The following PHLPP1 variants were observed in gnomAD, a reference collection of about 807,000 sequenced individuals.
PHLPP1 encodes PH domain and leucine rich repeat protein phosphatase 1, also known as PH domain leucine-rich repeat-containing protein phosphatase 1.
Under a neutral mutation model 117.2 loss-of-function variants are expected in PHLPP1, and 42 were observed. That is an observed-to-expected ratio of 0.36 (90% CI 0.28 to 0.46). The LOEUF is 0.46. Ranked by LOEUF, PHLPP1 falls within the 20% of genes least tolerant of loss-of-function variation. The pLI is 1.00. For synonymous variants in PHLPP1, 1,042 were observed against 970.7 expected (o/e 1.07, Z -1.37); for missense variants, 2,084 against 2,241.9 (o/e 0.93, Z 1.42).
chr18:62,716,135 C>G lies in PHLPP1; in HGVS notation c.452C>G (p.Ser151Cys), dbSNP rs1421047736. Residue 151 changes from serine (S) to cysteine (C), a missense_variant, in exon 1 of 17, where the codon TCC becomes TGC. By Grantham distance (112) the Ser-to-Cys change is moderately radical. This residue lies in a region of PHLPP1 where 719 missense variants were observed against 636.0 expected (regional missense o/e 1.13). Transcript: ENST00000262719. This position sits in a 1 kb window ranked among gnomAD's most constrained non-coding sequence, Gnocchi z 5.7. Reference protein sequence around the residue: ...SSSSAAAASHSPGAAGLPASC... With the variant: ...SSSSAAAASHCPGAAGLPASC... The stretch of plus-strand genomic sequence containing the variant: ...TCCTCGGCCGCTGCTGCCTCGCACT[C>G]CCCCGGCGCTGCCGGCCTCCCCGCC... 2.0e-5 allele frequency: 30 copies of G among 1,518,358 alleles called. No homozygotes were observed. Among genetic ancestry groups the G allele is most frequent in the Middle Eastern group, 1.8e-4 (1 of 5,634 alleles). The allele number at this position is 1,518,358 out of a possible 1,614,324, so 94.1% of individuals were successfully genotyped here.
intron 3 of PHLPP1, chr18:62,839,141 G>T: frequency 8.6e-6 from 4 of 464,390 alleles, no homozygotes; most frequent in Admixed American, 3.5e-5. Flanking sequence ...AAATTGGTCT[G>T]TAAACAGGCA....
At chr18:62,906,296 G>T (rs958577274) in intron 8 of PHLPP1, 1 of 152,752 alleles carries the variant, frequency 6.5e-6, no homozygotes, top group Non-Finnish European at 1.5e-5. Context: ...TTTTATTGGG[G>T]GAGGAGCCAA....
chr18:62,764,177 A>AC (rs1390324347), intron 1 of PHLPP1, among the ~76,000 whole-genome samples: 17 of 150,720 alleles, frequency 1.1e-4, no homozygotes, highest in South Asian at 2.1e-4. Flanking sequence ...AAAAAAAAAA[A>AC]AAAAAACAAC....
chr18:62,870,762 A>G (rs1915883787), intron 4 of PHLPP1, among the ~76,000 whole-genome samples: 1 of 152,250 alleles, frequency 6.6e-6, no homozygotes, highest in Non-Finnish European at 1.5e-5. Flanking sequence ...CAGAACATTT[A>G]AATTGGTATT....
chr18:62,819,123 A>G (rs1435836944), intron 1 of PHLPP1, among the ~76,000 whole-genome samples: 1 of 152,252 alleles, frequency 6.6e-6, no homozygotes, highest in Non-Finnish European at 1.5e-5. Flanking sequence ...CATGCATACC[A>G]CTGTCAGTAA....
intron 1 of PHLPP1, among the ~76,000 whole-genome samples, chr18:62,763,477 A>G (rs1173757587): frequency 6.6e-6 from 1 of 152,108 alleles, no homozygotes; most frequent in Non-Finnish European, 1.5e-5. Flanking sequence ...CCCGTGCAGC[A>G]AGTCATGCGA....
At chr18:62,751,828 C>T in intron 1 of PHLPP1, among the ~76,000 whole-genome samples, 1 of 152,032 alleles carries the variant, frequency 6.6e-6, no homozygotes, top group East Asian at 1.9e-4. Flanking sequence ...AACAAAACAC[C>T]AAACAAAAAG....
chr18:62,864,762 C>G (rs2144366115), intron 4 of PHLPP1, among the ~76,000 whole-genome samples: 1 of 152,288 alleles, frequency 6.6e-6, no homozygotes, highest in Admixed American at 6.5e-5. Context: ...GAATACTGAT[C>G]AGGATTTTTA....
intron 1 of PHLPP1, among the ~76,000 whole-genome samples, chr18:62,766,076 A>AAAATATATATATATATAT: frequency 6.0e-4 from 13 of 21,654 alleles, no homozygotes; most frequent in Middle Eastern, 0.024. Context: ...AAAAAAAAAA[A>AAAATATATATATATATAT]ATATATATAT....
chr18:62,823,158 A>G (rs1914514581), intron 1 of PHLPP1, among the ~76,000 whole-genome samples: 1 of 152,218 alleles, frequency 6.6e-6, no homozygotes. Flanking sequence ...CACTAACTAT[A>G]AAAGACGAAT....
intron 1 of PHLPP1, among the ~76,000 whole-genome samples, chr18:62,801,477 CTCTG>C (rs891840056): frequency 6.6e-6 from 1 of 151,882 alleles, no homozygotes; most frequent in African/African-American, 2.4e-5. Flanking sequence ...TGGAGCCTCC[CTCTG>C]TCCGTCCGTC....
At chr18:62,823,444 G>A (rs907184633) in intron 1 of PHLPP1, among the ~76,000 whole-genome samples, 19 of 151,762 alleles carry the variant, frequency 1.3e-4, no homozygotes, top group Non-Finnish European at 2.5e-4. Flanking sequence ...GGCACCTGTA[G>A]TCCCAGCTAT....
chr18:62,967,240 C>T (rs915813243), intron 14 of PHLPP1, among the ~76,000 whole-genome samples: 4 of 152,158 alleles, frequency 2.6e-5, no homozygotes, highest in African/African-American at 9.7e-5. Context: ...TGCTTGTTTT[C>T]ATTTCTCTTG....
At chr18:62,957,139 A>C (rs1346084097) in intron 12 of PHLPP1, among the ~76,000 whole-genome samples, 1 of 152,128 alleles carries the variant, frequency 6.6e-6, no homozygotes, top group Non-Finnish European at 1.5e-5. Context: ...CCCATACTAT[A>C]TACTATATAT....
intron 11 of PHLPP1, 54 bp from the exon 12 acceptor site, chr18:62,945,054 TG>T (rs1395042826): frequency 6.2e-6 from 8 of 1,293,556 alleles, no homozygotes; most frequent in African/African-American, 1.5e-5. Flanking sequence ...ATTCATCCTT[TG>T]ATTCTCGTCC....
chr18:62,738,200 T>C (rs1599019767), intron 1 of PHLPP1, among the ~76,000 whole-genome samples: 2 of 151,320 alleles, frequency 1.3e-5, no homozygotes, highest in African/African-American at 4.8e-5. Context: ...ATTTTTTTTT[T>C]CTTAAATTAG....
intron 2 of PHLPP1, among the ~76,000 whole-genome samples, chr18:62,830,528 C>T (rs1255905352): frequency 1.3e-5 from 2 of 152,076 alleles, no homozygotes; most frequent in Non-Finnish European, 2.9e-5. Context: ...CATGCCAGGC[C>T]GAAAAGTAAG....
chr18:62,823,356 G>A (rs1165269210), intron 1 of PHLPP1, among the ~76,000 whole-genome samples: 2 of 151,956 alleles, frequency 1.3e-5, no homozygotes, highest in African/African-American at 4.8e-5. Flanking sequence ...TTGAGTGCAG[G>A]AATTCGAGAC....
rs1911339715 is a variant in PHLPP1, at chr18:62,980,363, T to TA, written c.*932_*933insA. 6.6e-6 allele frequency: 1 copy of TA among 152,590 alleles called. No homozygotes were observed. Among genetic ancestry groups the TA allele is most frequent in the Non-Finnish European group, 1.5e-5 (1 of 68,028 alleles). The allele number at this position is 152,590 out of a possible 1,614,324, so 9.5% of individuals were successfully genotyped here. A position where few individuals can be genotyped will look rare whatever the true frequency, so the allele number is the denominator to read the frequency against. On this transcript the variant is annotated 3_prime_UTR_variant, in exon 17 of 17. Coordinates refer to ENST00000262719, the MANE Select transcript of PHLPP1 (RefSeq NM_194449.4). ...CATTAGGCCATTTACATACCCAGAG[T>TA]TATACTCAAGCAGAATGCACAAATG...
Sources: allele counts gnomAD v4.1 joint callset (sites outside exome capture counted in the v4.1 genomes callset), GRCh38; gene constraint gnomAD v4.1.1; regional missense constraint gnomAD v4.1.1; non-coding constraint Gnocchi (gnomAD v3.1); transcripts MANE v1.5; gene names NCBI Gene and HGNC (gene_info 2026-07-23, HGNC 2026-07-21).